RAG1: variants seen among roughly 807,000 people sequenced by gnomAD.
The protein encoded by RAG1 is recombination activating 1, also known as V(D)J recombination-activating protein 1.
Under a neutral mutation model 62.7 loss-of-function variants are expected in RAG1, and 35 were observed. The observed-to-expected ratio is 0.56, with a 90% CI of 0.43 to 0.74. The LOEUF is 0.74. RAG1 is among the 30% of genes least tolerant of loss of function. The probability of loss-of-function intolerance (pLI) is 0.00; values close to 1 mark genes in which losing one functional copy is unlikely to be tolerated. For synonymous variants in RAG1, 461 were observed against 470.3 expected, an observed-to-expected ratio of 0.98 and a Z score of 0.26; for missense variants, 1,169 against 1,278.6, an observed-to-expected ratio of 0.91 and a Z score of 1.31.
intron 1 of RAG1, among the ~76,000 whole-genome samples, chr11:36,573,000 A>C (rs965982195): frequency 1.2e-4 from 18 of 152,224 alleles, no homozygotes; most frequent in African/African-American, 3.9e-4. Flanking sequence ...AGATGAATCA[A>C]AGATTCTGTC....
At position 36,575,539 on chromosome 11, in the gene RAG1, C is replaced by T. The variant is rs1850831770; in HGVS notation, c.2235C>T (p.Val745=). 1 of 1,614,214 alleles carries T rather than the reference C, an allele frequency of 6.2e-7. No homozygotes were observed. Among genetic ancestry groups the T allele is most frequent in the Non-Finnish European group, 8.5e-7 (1 of 1,180,038 alleles). Residue 745 remains valine, a synonymous_variant, in exon 2 of 2, where the codon GTC becomes GTT. Coordinates refer to ENST00000299440, the MANE Select transcript of RAG1 (RefSeq NM_000448.3). The surrounding 1 kb of genome is among the most constrained non-coding windows in gnomAD (Gnocchi z 4.1). ...GTCTGGAAGCCTCTCAAAATCTTGT[C>T]TTCCACTCTATAACCAGAAGCCATG... ...ATRLEASQNL[V]FHSITRSHAE...
At chr11:36,541,074 C>T (rs2133264463) in intron 3 of RAG1, among the ~76,000 whole-genome samples, 1 of 152,238 alleles carries the variant, frequency 6.6e-6, no homozygotes, top group South Asian at 2.1e-4. Flanking sequence ...TGTTGTTTTC[C>T]TCAGGGACCT....
chr11:36,569,739 A>G (rs184240786), intron 1 of RAG1, among the ~76,000 whole-genome samples: 7 of 152,100 alleles, frequency 4.6e-5, no homozygotes, highest in African/African-American at 1.7e-4. Context: ...TTAATAAAAT[A>G]AAAAGTGCAA....
intron 1 of RAG1, among the ~76,000 whole-genome samples, chr11:36,516,997 T>C (rs763000044): frequency 7.9e-5 from 12 of 152,208 alleles, no homozygotes; most frequent in Non-Finnish European, 1.8e-4. Flanking sequence ...CTGGTTTGTG[T>C]ATATTGCTGA....
At chr11:36,525,423 A>G (rs1187350619) in intron 2 of RAG1, among the ~76,000 whole-genome samples, 2 of 152,134 alleles carry the variant, frequency 1.3e-5, no homozygotes, top group Non-Finnish European at 2.9e-5. Flanking sequence ...TGTCAATCTT[A>G]AACAATTCTT....
intron 2 of RAG1, among the ~76,000 whole-genome samples, chr11:36,527,995 A>G (rs1210261908): frequency 1.3e-5 from 2 of 152,122 alleles, no homozygotes; most frequent in Non-Finnish European, 2.9e-5. Flanking sequence ...GGTTTTCTAA[A>G]TATACAATCA....
chr11:36,550,900 A>C (rs1311964111), intron 3 of RAG1, among the ~76,000 whole-genome samples: 2 of 152,108 alleles, frequency 1.3e-5, no homozygotes, highest in African/African-American at 2.4e-5. Context: ...CTAACCCTGG[A>C]TCCATCACTT....
At chr11:36,524,948 C>T (rs562060640) in intron 2 of RAG1, among the ~76,000 whole-genome samples, 8 of 152,080 alleles carry the variant, frequency 5.3e-5, no homozygotes, top group Middle Eastern at 3.4e-3. Flanking sequence ...TACTGTGATT[C>T]ATTTTGAGTT....
intron 3 of RAG1, among the ~76,000 whole-genome samples, chr11:36,546,816 T>C (rs1850400488): frequency 6.6e-6 from 1 of 152,274 alleles, no homozygotes; most frequent in South Asian, 2.1e-4. Flanking sequence ...TAAAGGATTT[T>C]ATTTCTCTTT....
chr11:36,562,560 T>C (rs1276283546), intron 3 of RAG1, among the ~76,000 whole-genome samples: 1 of 152,082 alleles, frequency 6.6e-6, no homozygotes, highest in African/African-American at 2.4e-5. Flanking sequence ...AGCTCAACAT[T>C]AGATGGATAA....
At chr11:36,542,808 TAATC>T (rs1159399708) in intron 3 of RAG1, among the ~76,000 whole-genome samples, 2 of 152,202 alleles carry the variant, frequency 1.3e-5, no homozygotes, top group East Asian at 1.9e-4. Context: ...TTTTTCCTTT[TAATC>T]AATCACATAA....
At chr11:36,527,583 A>G (rs957095372) in intron 2 of RAG1, among the ~76,000 whole-genome samples, 1 of 152,094 alleles carries the variant, frequency 6.6e-6, no homozygotes, top group African/African-American at 2.4e-5. Flanking sequence ...TTTTGGTTCC[A>G]TATGAACTTT....
intron 2 of RAG1, among the ~76,000 whole-genome samples, chr11:36,522,181 T>G (rs1860090379): frequency 6.6e-6 from 1 of 152,184 alleles, no homozygotes; most frequent in Admixed American, 6.5e-5. Flanking sequence ...CTCCAGGGTA[T>G]GTCAGAGGCC....
At position 36,575,760 on chromosome 11, in the gene RAG1, A is replaced by G. The variant is rs1422366315; in HGVS notation, c.2456A>G (p.Tyr819Cys). The G allele has an allele frequency of 4.3e-6, 7 of 1,614,122 alleles. No homozygotes were observed. The highest frequency in any genetic ancestry group is 1.1e-5 in the South Asian group (1 of 91,088). ...KIFQLEIGEV[Y>C]KNPNASKEER... ...TTCCAGCTAGAGATAGGGGAAGTGT[A>G]TAAGAATCCCAATGCTTCCAAAGAG... The change falls in exon 2 of 2, where the codon TAT becomes TGT. Residue 819 changes from tyrosine to cysteine, a missense_variant. Coordinates refer to ENST00000299440, the MANE Select transcript of RAG1 (RefSeq NM_000448.3). This position sits in a 1 kb window ranked among gnomAD's most constrained non-coding sequence, Gnocchi z 4.1.
At position 36,578,657 on chromosome 11, in the gene RAG1, C is replaced by T. The variant is rs1850888102; in HGVS notation, c.*2221C>T. On this transcript the variant is annotated 3_prime_UTR_variant, in exon 2 of 2. Coordinates refer to ENST00000299440, the MANE Select transcript of RAG1 (RefSeq NM_000448.3). ...GAGCATGATTTATAGCACAACCTTT[C>T]CAATAATCCCTTAATCAGATCACAT... 1 of 167,008 alleles carries T rather than the reference C, an allele frequency of 6.0e-6. No individual in the cohort carries two copies. Among genetic ancestry groups the T allele is most frequent in the African/African-American group, 2.4e-5 (1 of 41,434 alleles). 10.3% of individuals were successfully genotyped at this position (167,008 alleles called of 1,614,324 possible). A position where few individuals can be genotyped will look rare whatever the true frequency, so the allele number is the denominator to read the frequency against.
Position 36,574,302 on chromosome 11 carries a change from A to G in RAG1, c.998A>G (p.Tyr333Cys), listed in dbSNP as rs1564988784. 6.2e-7 allele frequency: 1 copy of G among 1,614,082 alleles called. No individual in the cohort carries two copies. The highest frequency in any genetic ancestry group is 8.5e-7 in the Non-Finnish European group (1 of 1,180,044). Reference protein sequence around the residue: ...VMGSYCPSCRYPCFPTDLESP... With the variant: ...VMGSYCPSCRCPCFPTDLESP... Reference sequence around the variant, plus strand: ...GGCAGCTATTGTCCCTCTTGCCGATATCCATGCTTCCCTACTGACCTGGAG... The same window carrying G: ...GGCAGCTATTGTCCCTCTTGCCGATGTCCATGCTTCCCTACTGACCTGGAG... The change falls in exon 2 of 2, where the codon TAT becomes TGT. Residue 333 changes from tyrosine (Y) to cysteine (C), a missense_variant. Coordinates refer to ENST00000299440, the MANE Select transcript of RAG1 (RefSeq NM_000448.3).
At position 36,548,261 on chromosome 11, in the gene RAG1, G is replaced by C. The variant is rs535185935; in HGVS notation, c.-412+12227G>C. On this transcript the variant is annotated intron_variant and NMD_transcript_variant, in intron 3 of 9. Transcript: ENST00000534663. ...ACCACTCCTATTCAACATAGTATTG[G>C]AAGTTCTGGCCAAGGCAATCAGGCA... 3.2e-4 allele frequency among the ~76,000 whole-genome samples: 49 copies of C among 152,304 alleles called. No homozygotes were observed. The East Asian group carries it at 3.7e-3, about 11-fold the overall frequency.
At chr11:36,551,516 G>A (rs998694962) in intron 3 of RAG1, among the ~76,000 whole-genome samples, 2 of 151,066 alleles carry the variant, frequency 1.3e-5, no homozygotes, top group Non-Finnish European at 2.9e-5. Context: ...CTCTGTGTGT[G>A]TCTGTGTTCT....
chr11:36,558,576 C>T (rs777780223), intron 3 of RAG1, among the ~76,000 whole-genome samples: 8 of 152,074 alleles, frequency 5.3e-5, no homozygotes, highest in African/African-American at 1.4e-4. Flanking sequence ...CTAATATAAG[C>T]GTAGTTACTC....
Sources: allele counts gnomAD v4.1 joint callset (sites outside exome capture counted in the v4.1 genomes callset), GRCh38; gene constraint gnomAD v4.1.1; non-coding constraint Gnocchi (gnomAD v3.1); transcripts MANE v1.5; gene names NCBI Gene and HGNC (gene_info 2026-07-23, HGNC 2026-07-21).